The following NMNAT2 variants were observed in gnomAD, a reference collection of about 807,000 sequenced individuals.
NMNAT2 encodes the protein nicotinamide nucleotide adenylyltransferase 2, also known as nicotinamide/nicotinic acid mononucleotide adenylyltransferase 2.
NMNAT2 carries 11 observed loss-of-function variants against 41.6 expected under a neutral mutation model. That is an observed-to-expected ratio of 0.26 (90% confidence interval 0.17 to 0.44). The LOEUF is 0.44. NMNAT2 is among the 20% of genes least tolerant of loss of function. The pLI, the probability that NMNAT2 is intolerant of heterozygous loss-of-function variation, is 1.00. For missense variants in NMNAT2, 288 were observed against 407.7 expected (o/e 0.71, Z 2.53); for synonymous variants, 148 against 151.2 (o/e 0.98, Z 0.16).
chr1:183,385,913 A>C (rs1648229138), intron 1 of NMNAT2, among the ~76,000 whole-genome samples: 1 of 152,128 alleles, frequency 6.6e-6, no homozygotes, highest in Admixed American at 6.5e-5. Context: ...ATTTAGAAAG[A>C]CAGACAGGCA....
chr1:183,257,251 G>A (rs1398425131), intron 10 of NMNAT2, among the ~76,000 whole-genome samples: 4 of 151,984 alleles, frequency 2.6e-5, no homozygotes, highest in Admixed American at 1.3e-4. Context: ...GACCAGCCTG[G>A]CCAACATAGT....
At chr1:183,306,617 C>G (rs1017457529) in intron 1 of NMNAT2, among the ~76,000 whole-genome samples, 4 of 152,140 alleles carry the variant, frequency 2.6e-5, no homozygotes, top group Non-Finnish European at 5.9e-5. Flanking sequence ...TTCAGGGACA[C>G]AGAAAGACAC....
intron 10 of NMNAT2, among the ~76,000 whole-genome samples, chr1:183,255,007 G>T (rs1292593014): frequency 2.6e-5 from 4 of 152,156 alleles, no homozygotes; most frequent in Admixed American, 6.5e-5. Flanking sequence ...ATGTCAAGGA[G>T]ATTTTCCTTT....
At chr1:183,411,731 A>G (rs976037451) in intron 1 of NMNAT2, among the ~76,000 whole-genome samples, 24 of 152,230 alleles carry the variant, frequency 1.6e-4, no homozygotes, top group African/African-American at 5.8e-4. Context: ...CAGGCATTGA[A>G]TAATAAGCAT....
chr1:183,310,398 C>T (rs1368690802), intron 1 of NMNAT2, among the ~76,000 whole-genome samples: 1 of 152,176 alleles, frequency 6.6e-6, no homozygotes, highest in South Asian at 2.1e-4. Flanking sequence ...TTCCAGAATG[C>T]CTCTGATATA....
intron 1 of NMNAT2, among the ~76,000 whole-genome samples, chr1:183,351,432 C>T (rs1040764270): frequency 6.6e-6 from 1 of 152,136 alleles, no homozygotes; most frequent in East Asian, 1.9e-4. Context: ...GTGCTGAGGA[C>T]ACAAACTGCC....
At chr1:183,270,702 C>A (rs1049358029) in intron 8 of NMNAT2, among the ~76,000 whole-genome samples, 18 of 152,200 alleles carry the variant, frequency 1.2e-4, no homozygotes, top group African/African-American at 4.3e-4. Context: ...CAGCCAGAAT[C>A]CCCCATTGGC....
chr1:183,339,051 A>C (rs1557882686), intron 1 of NMNAT2, among the ~76,000 whole-genome samples: 1 of 152,088 alleles, frequency 6.6e-6, no homozygotes, highest in African/African-American at 2.4e-5. Context: ...CAAACATCCC[A>C]TCATGGGTAG....
At chr1:183,282,165 C>T (rs1661288343) in intron 7 of NMNAT2, among the ~76,000 whole-genome samples, 1 of 152,234 alleles carries the variant, frequency 6.6e-6, no homozygotes, top group Non-Finnish European at 1.5e-5. Flanking sequence ...CCCACACTGT[C>T]CTTTCTCCAT....
At chr1:183,404,994 G>C (rs1433616284) in intron 1 of NMNAT2, among the ~76,000 whole-genome samples, 1 of 152,188 alleles carries the variant, frequency 6.6e-6, no homozygotes, top group Non-Finnish European at 1.5e-5. Flanking sequence ...GACGAGGTGG[G>C]ATGATCATTT....
At chr1:183,313,960 G>C (rs1662185765) in intron 1 of NMNAT2, among the ~76,000 whole-genome samples, 1 of 152,162 alleles carries the variant, frequency 6.6e-6, no homozygotes, top group Non-Finnish European at 1.5e-5. Flanking sequence ...CCTGATAGGT[G>C]TGTGGCCACT....
At position 183,291,883 on chromosome 1, in the gene NMNAT2, G is replaced by A. The variant is rs528394554; in HGVS notation, c.242+907C>T. On this transcript the variant is annotated intron_variant, in intron 3 of 10. Transcript: ENST00000287713. ...AGGGGGATAAGAAAGTCTATAAAGG[G>A]CATGTGCTTCTCACACAAATCACTG... Among the ~76,000 whole-genome samples the A allele has an allele frequency of 7.2e-5, 11 of 152,282 alleles. No individual in the cohort carries two copies. The South Asian group carries it at 8.3e-4, about 11-fold the overall frequency.
intron 1 of NMNAT2, among the ~76,000 whole-genome samples, chr1:183,310,587 T>G (rs1259526778): frequency 6.6e-6 from 1 of 152,186 alleles, no homozygotes; most frequent in Non-Finnish European, 1.5e-5. Flanking sequence ...AGGGCACATT[T>G]GGCAATGTCT....
At chr1:183,340,175 T>C (rs575921665) in intron 1 of NMNAT2, among the ~76,000 whole-genome samples, 14 of 152,310 alleles carry the variant, frequency 9.2e-5, no homozygotes, top group African/African-American at 2.9e-4. Flanking sequence ...GCTAAAGCTC[T>C]GAAGAGCAGA....
At position 183,413,433 on chromosome 1, in the gene NMNAT2, G is replaced by T. The variant is rs561482643; in HGVS notation, c.85+4750C>A. Among the ~76,000 whole-genome samples the T allele has an allele frequency of 2.0e-5, 3 of 152,228 alleles. No homozygotes were observed. The East Asian group carries it at 5.8e-4, about 29-fold the overall frequency. ...GGAGGGACTACTGCTGGAGAGCACG[G>T]TGGTGGCTGTGAGCATGCACCCAGC... On this transcript the variant is annotated intron_variant, in intron 1 of 10. Transcript: ENST00000287713.
intron 1 of NMNAT2, among the ~76,000 whole-genome samples, chr1:183,366,323 T>C (rs1007389201): frequency 1.3e-5 from 2 of 152,250 alleles, no homozygotes; most frequent in Non-Finnish European, 2.9e-5. Flanking sequence ...AATAATAGTA[T>C]CTACTTCATA....
In NMNAT2 at chr1:183,308,939, C is replaced by T. The variant is rs182694129; in HGVS notation, c.86-15146G>A. On this transcript the variant is annotated intron_variant, in intron 1 of 10. Coordinates refer to ENST00000287713, the MANE Select transcript of NMNAT2 (RefSeq NM_015039.4). ...CTGCAGCGCTGGGAAAACAGGCTGA[C>T]GTCAGAGGCTTGAAGGATCAGGTAG... Among the ~76,000 whole-genome samples, 80 of 152,220 alleles carry T rather than the reference C, an allele frequency of 5.3e-4. 1 individual carries two copies. Among genetic ancestry groups the T allele is most frequent in the African/African-American group, 1.7e-3 (72 of 41,528 alleles).
intron 1 of NMNAT2, among the ~76,000 whole-genome samples, chr1:183,389,811 A>G (rs1196674648): frequency 6.3e-4 from 46 of 73,346 alleles, no homozygotes; most frequent in East Asian, 1.3e-3. Flanking sequence ...AAAGAAAGAA[A>G]GAAAGAAAGA....
chr1:183,386,304 A>AATCC (rs1318213942), intron 1 of NMNAT2, among the ~76,000 whole-genome samples: 1 of 152,162 alleles, frequency 6.6e-6, no homozygotes, highest in Admixed American at 6.5e-5. Flanking sequence ...CACCAAAAAA[A>AATCC]ATCCCTCAGG....
Sources: gnomAD v4.1 joint callset for allele counts (sites outside exome capture counted in the v4.1 genomes callset) on GRCh38, gnomAD v4.1.1 for gene constraint, MANE v1.5 for transcripts, NCBI Gene and HGNC (gene_info 2026-07-23, HGNC 2026-07-21) for gene names.